Variants in GLDC observed in about 807,000 individuals in gnomAD.
The protein encoded by GLDC is glycine decarboxylase, also known as glycine dehydrogenase (decarboxylating), mitochondrial.
Under a neutral mutation model 121.3 loss-of-function variants are expected in GLDC, and 104 were observed. The observed-to-expected ratio is 0.86, with a 90% CI of 0.73 to 1.01. GLDC has a LOEUF of 1.01. GLDC is among the 50% of genes least tolerant of loss of function. The pLI is 0.00. For synonymous variants in GLDC, 546 were observed against 480.6 expected, an observed-to-expected ratio of 1.14 and a Z score of -1.78; for missense variants, 1,429 against 1,306.6, an observed-to-expected ratio of 1.09 and a Z score of -1.44.
intron 5 of GLDC, chr9:6,605,789 T>C (rs755880343): frequency 1.2e-4 from 26 of 222,242 alleles, no homozygotes; most frequent in Non-Finnish European, 2.3e-4. Context: ...TATCTACCAA[T>C]AGTGGTTGTT....
intron 21 of GLDC, among the ~76,000 whole-genome samples, chr9:6,549,920 C>G (rs1446108758): frequency 6.6e-6 from 1 of 152,198 alleles, no homozygotes; most frequent in East Asian, 1.9e-4. Context: ...TTGTCCAGCT[C>G]AAGGGTGAAG....
intron 5 of GLDC, chr9:6,605,877 T>G (rs1487067048): frequency 5.9e-6 from 1 of 170,418 alleles, no homozygotes; most frequent in African/African-American, 2.4e-5. Flanking sequence ...ACCTAGGGAC[T>G]CTGCACACCC....
chr9:6,627,474 C>G (rs1414806361), intron 2 of GLDC, among the ~76,000 whole-genome samples: 1 of 152,050 alleles, frequency 6.6e-6, no homozygotes, highest in Non-Finnish European at 1.5e-5. Flanking sequence ...GGACTCTGCC[C>G]CTATCCAGCT....
At chr9:6,625,868 A>C (rs1819226709) in intron 2 of GLDC, among the ~76,000 whole-genome samples, 1 of 151,046 alleles carries the variant, frequency 6.6e-6, no homozygotes, top group Non-Finnish European at 1.5e-5. Context: ...AGGAAGGGGA[A>C]GAGTAGGACC....
At chr9:6,543,705 C>G (rs1817322791) in intron 21 of GLDC, among the ~76,000 whole-genome samples, 1 of 152,156 alleles carries the variant, frequency 6.6e-6, no homozygotes, top group Non-Finnish European at 1.5e-5. Context: ...AAGCCAGATC[C>G]TAAGATGTTC....
chr9:6,615,576 T>G (rs1410880507), intron 3 of GLDC, among the ~76,000 whole-genome samples: 6 of 143,066 alleles, frequency 4.2e-5, no homozygotes, highest in Non-Finnish European at 9.0e-5. Flanking sequence ...ACGGAGACCT[T>G]GTCTTAAAAA....
At chr9:6,590,531 CTT>C (rs1358400353) in intron 11 of GLDC, among the ~76,000 whole-genome samples, 1 of 152,166 alleles carries the variant, frequency 6.6e-6, no homozygotes, top group African/African-American at 2.4e-5. Context: ...CTCTCTCTCT[CTT>C]CCTTTTTCTT....
chr9:6,577,096 A>G (rs1362987869), intron 15 of GLDC, among the ~76,000 whole-genome samples: 1 of 152,232 alleles, frequency 6.6e-6, no homozygotes, highest in African/African-American at 2.4e-5. Flanking sequence ...TGTGCGCATA[A>G]CACAGAAATG....
intron 19 of GLDC, among the ~76,000 whole-genome samples, chr9:6,554,391 G>T (rs1295423129): frequency 6.6e-6 from 1 of 152,228 alleles, no homozygotes. Flanking sequence ...CTCAGGTGAA[G>T]TTCCCTATTC....
intron 2 of GLDC, among the ~76,000 whole-genome samples, chr9:6,631,006 A>T (rs1819363836): frequency 6.6e-6 from 1 of 152,222 alleles, no homozygotes; most frequent in African/African-American, 2.4e-5. Flanking sequence ...CGAGAAAGCC[A>T]AGCCAATCCA....
intron 14 of GLDC, 89 bp from the exon 15 acceptor site, chr9:6,587,372 A>T (rs764726615): frequency 4.9e-6 from 5 of 1,010,538 alleles, no homozygotes; most frequent in Non-Finnish European, 7.7e-6. Context: ...TGATGAGAAA[A>T]GCTATGTGCC....
At chr9:6,602,014 A>G in intron 8 of GLDC, 95 bp downstream of exon 8, 1 of 812,694 alleles carries the variant, frequency 1.2e-6, no homozygotes, top group Non-Finnish European at 2.2e-6. Context: ...ACTGCTCAGG[A>G]GGTGGTGAAT....
At chr9:6,643,162 T>G (rs1819662534) in intron 2 of GLDC, among the ~76,000 whole-genome samples, 1 of 152,098 alleles carries the variant, frequency 6.6e-6, no homozygotes, top group South Asian at 2.1e-4. Context: ...CCTCCCAAAA[T>G]GCTGAGATTA....
intron 23 of GLDC, among the ~76,000 whole-genome samples, chr9:6,535,412 G>C (rs1817105037): frequency 6.6e-6 from 1 of 151,436 alleles, no homozygotes; most frequent in Non-Finnish European, 1.5e-5. Context: ...CCTTCTGCAA[G>C]TCACTGGTCC....
Position 6,552,830 on chromosome 9 carries a change from A to G in GLDC, c.2457+538T>C, listed in dbSNP as rs199514808. Among the ~76,000 whole-genome samples the G allele has an allele frequency of 6.4e-4, 98 of 152,264 alleles. No homozygotes were observed. In the East Asian group the frequency reaches 6.6e-3, roughly 10 times the overall value. On this transcript the variant is annotated intron_variant, in intron 20 of 24. Transcript: ENST00000321612. ...AAGGAAGGAAGCCTGTACTCTGACT[A>G]ATTACGCAGAGAGCACAGCACCACA... is the stretch of plus-strand genomic sequence containing the variant.
At chr9:6,644,029 CAAAAAAAAAAAAA>C (rs531081758) in intron 2 of GLDC, among the ~76,000 whole-genome samples, 1 of 18,334 alleles carries the variant, frequency 5.5e-5, no homozygotes, top group Non-Finnish European at 9.8e-5. Flanking sequence ...GATTCTGTCT[CAAAAAAAAAAAAA>C]AAAAAAAACG....
At chr9:6,565,653 C>T in intron 15 of GLDC, 1 of 622,522 alleles carries the variant, frequency 1.6e-6, no homozygotes, top group East Asian at 2.7e-5. Flanking sequence ...AGCTCAACCA[C>T]TCCTACCCAA....
In GLDC at chr9:6,595,108, C is replaced by G. The variant is rs199901045; in HGVS notation, c.1167G>C (p.Ala389=). The G allele has an allele frequency of 2.6e-5, 42 of 1,608,530 alleles. No individual in the cohort carries two copies. The East Asian group carries it at 4.9e-4, about 19-fold the overall frequency. ...SNICTAQALL[A]NMAAMFAIYH... ...AGATTGCAAACATGGCAGCCATATT[C>G]GCCAAGAGGGCCTAAAAGATAAGAA... Residue 389 remains alanine, a synonymous_variant, in exon 9 of 25, where the codon GCG becomes GCC. Coordinates refer to ENST00000321612, the MANE Select transcript of GLDC (RefSeq NM_000170.3).
intron 15 of GLDC, among the ~76,000 whole-genome samples, chr9:6,566,197 G>C (rs1817851831): frequency 6.6e-6 from 1 of 152,130 alleles, no homozygotes; most frequent in Admixed American, 6.5e-5. Context: ...AAGCCGAGAT[G>C]GTGCCACTGC....
Sources: gnomAD v4.1 joint callset for allele counts (sites outside exome capture counted in the v4.1 genomes callset) on GRCh38, gnomAD v4.1.1 for gene constraint, MANE v1.5 for transcripts, NCBI Gene and HGNC (gene_info 2026-07-23, HGNC 2026-07-21) for gene names.